Variants in ERCC6L2 observed in about 807,000 individuals in gnomAD.
ERCC6L2 encodes the protein DNA excision repair protein ERCC-6-like 2.
A neutral mutation model predicts 132.0 loss-of-function variants in ERCC6L2; 77 were observed. The observed-to-expected ratio is 0.58, with a 90% CI of 0.49 to 0.71. The LOEUF (loss-of-function observed/expected upper bound fraction) is 0.71. Among genes scored for constraint, ERCC6L2 ranks in the 30% least tolerant of loss-of-function variants. The pLI is 0.00. For synonymous variants in ERCC6L2, 583 were observed against 632.4 expected (o/e 0.92, Z 1.17); for missense variants, 1,542 against 1,837.6 (o/e 0.84, Z 2.94).
chr9:95,895,254 A>G (rs748374484), intron 2 of ERCC6L2, among the ~76,000 whole-genome samples: 15 of 151,470 alleles, frequency 9.9e-5, no homozygotes, highest in Non-Finnish European at 1.6e-4. Context: ...AGCTATATCA[A>G]TTTTCTTTGA....
chr9:95,887,064 A>T (rs1827910480), intron 2 of ERCC6L2, among the ~76,000 whole-genome samples: 2 of 152,192 alleles, frequency 1.3e-5, no homozygotes, highest in African/African-American at 4.8e-5. Context: ...GATAGTACTT[A>T]ATAAACTCCT....
At chr9:95,976,377 C>T (rs1396568732) in intron 16 of ERCC6L2, among the ~76,000 whole-genome samples, 1 of 152,108 alleles carries the variant, frequency 6.6e-6, no homozygotes, top group Non-Finnish European at 1.5e-5. Context: ...CTGCTCCAGC[C>T]CCTCCAGGCC....
At chr9:95,886,530 T>C (rs748062790) in intron 2 of ERCC6L2, among the ~76,000 whole-genome samples, 4 of 152,216 alleles carry the variant, frequency 2.6e-5, no homozygotes, top group Non-Finnish European at 5.9e-5. Context: ...TTCTATCATC[T>C]ACTGCCTTCT....
chr9:95,882,000 G>A (rs1377651842), intron 2 of ERCC6L2, among the ~76,000 whole-genome samples: 1 of 152,190 alleles, frequency 6.6e-6, no homozygotes. Flanking sequence ...GGTGACTGGG[G>A]AAGATTCACT....
intron 4 of ERCC6L2, among the ~76,000 whole-genome samples, chr9:95,908,229 T>C (rs1471553141): frequency 6.6e-6 from 1 of 152,128 alleles, no homozygotes; most frequent in Non-Finnish European, 1.5e-5. Context: ...TGTAACTGTG[T>C]TTAGAGACAG....
intron 13 of ERCC6L2, among the ~76,000 whole-genome samples, chr9:95,964,915 CAAATT>C (rs1832083417): frequency 6.6e-6 from 1 of 152,192 alleles, no homozygotes; most frequent in South Asian, 2.1e-4. Flanking sequence ...TATAAAGACT[CAAATT>C]AAGGCTTACA....
At chr9:95,963,625 CCT>C in intron 13 of ERCC6L2, among the ~76,000 whole-genome samples, 2 of 152,178 alleles carry the variant, frequency 1.3e-5, no homozygotes, top group South Asian at 4.1e-4. Flanking sequence ...AGTTTCCCCA[CCT>C]CTCTCTTTTT....
At chr9:95,941,586 A>G (rs1830801576) in intron 12 of ERCC6L2, 37 bp downstream of exon 12, 2 of 1,417,142 alleles carry the variant, frequency 1.4e-6, no homozygotes, top group Middle Eastern at 1.8e-4. Context: ...ATCTGCAAAT[A>G]CTTTTAATCT....
In ERCC6L2 at chr9:95,972,814, C is replaced by G. The variant is rs1832482278; in HGVS notation, c.3063C>G (p.Asn1021Lys). The G allele has an allele frequency of 7.7e-7, 1 of 1,304,494 alleles. No individual in the cohort carries two copies. The highest frequency in any genetic ancestry group is 2.3e-5 in the Admixed American group (1 of 43,506). 80.8% of individuals were successfully genotyped at this position (1,304,494 alleles called of 1,614,324 possible). A position where few individuals can be genotyped will look rare whatever the true frequency, so the allele number is the denominator to read the frequency against. ...TTCACAATTCTCCCAAAACAATGAA[C>G]AAAACAAACCAAGTGTATGCAGCAA... ...KELHNSPKTM[N>K]KTNQVYAANE... Residue 1021 changes from asparagine to lysine, a missense_variant, in exon 16 of 19, where the codon AAC becomes AAG. Coordinates refer to ENST00000653738, the MANE Select transcript of ERCC6L2 (RefSeq NM_020207.7).
chr9:95,963,688 C>A (rs1832020234), intron 13 of ERCC6L2, among the ~76,000 whole-genome samples: 1 of 151,992 alleles, frequency 6.6e-6, no homozygotes, highest in Non-Finnish European at 1.5e-5. Context: ...TTACTTGTGT[C>A]TCTTCAGTTT....
rs541729083 is a variant in ERCC6L2, at chr9:95,984,457, C to T, written c.3492+6242C>T. ...TCTGATCCCCCAAATCTCCACATCACTCTCCCATTCAAGATCTACCTCAAA... is the reference window on the plus strand; with the variant it reads ...TCTGATCCCCCAAATCTCCACATCATTCTCCCATTCAAGATCTACCTCAAA... On this transcript the variant is annotated intron_variant, in intron 17 of 18. Coordinates refer to ENST00000653738, the MANE Select transcript of ERCC6L2 (RefSeq NM_020207.7). Among the ~76,000 whole-genome samples, 65 of 151,980 alleles carry T rather than the reference C, an allele frequency of 4.3e-4. No homozygotes were observed. The Middle Eastern group carries it at 0.024, about 56-fold the overall frequency.
intron 1 of ERCC6L2, among the ~76,000 whole-genome samples, chr9:95,877,384 C>T (rs974469193): frequency 2.0e-5 from 3 of 149,954 alleles, no homozygotes; most frequent in African/African-American, 7.4e-5. Flanking sequence ...AGATACAGTT[C>T]TTAGACCCCT....
intron 9 of ERCC6L2, among the ~76,000 whole-genome samples, chr9:95,924,179 AAGT>A (rs1456932702): frequency 6.6e-6 from 1 of 152,162 alleles, no homozygotes; most frequent in Non-Finnish European, 1.5e-5. Context: ...AATAAAAAGG[AAGT>A]AGTTCAAAGC....
At chr9:96,029,097 G>A (rs1003988148) in intron 19 of ERCC6L2, among the ~76,000 whole-genome samples, 4 of 152,030 alleles carry the variant, frequency 2.6e-5, no homozygotes, top group African/African-American at 9.7e-5. Context: ...AAGGTCAGGA[G>A]ATCGAGACCA....
At chr9:95,887,779 T>A (rs1438109197) in intron 2 of ERCC6L2, among the ~76,000 whole-genome samples, 1 of 152,172 alleles carries the variant, frequency 6.6e-6, no homozygotes, top group East Asian at 1.9e-4. Flanking sequence ...CAAAACATAC[T>A]AAAATATGAA....
In ERCC6L2 at chr9:95,922,438, T is replaced by C. The variant is rs190929590; in HGVS notation, c.1413+20T>C. 6.0e-4 allele frequency: 825 copies of C among 1,386,210 alleles called. 13 individuals carry two copies. In the East Asian group the frequency reaches 0.015, roughly 25 times the overall value. 85.9% of individuals were successfully genotyped at this position (1,386,210 alleles called of 1,614,324 possible). On this transcript the variant is annotated intron_variant, in intron 8 of 18. Transcript: ENST00000653738. ...CAACAGGTTTGGTTAGCATTTTACATTTCTTTGTGATGCTATTGTTGTGAA... is the reference window on the plus strand; with the variant it reads ...CAACAGGTTTGGTTAGCATTTTACACTTCTTTGTGATGCTATTGTTGTGAA...
intron 17 of ERCC6L2, among the ~76,000 whole-genome samples, chr9:95,993,123 A>AGAT (rs1030315610): frequency 5.3e-4 from 81 of 152,302 alleles, no homozygotes; most frequent in African/African-American, 1.9e-3. Context: ...TAGGAGTCCC[A>AGAT]GATCCAAATC....
At chr9:95,909,253 C>A (rs1332476179) in intron 4 of ERCC6L2, among the ~76,000 whole-genome samples, 1 of 151,964 alleles carries the variant, frequency 6.6e-6, no homozygotes, top group Non-Finnish European at 1.5e-5. Context: ...GTTGCATATT[C>A]TTCTTTTTTA....
chr9:95,961,927 G>A (rs1321848481), intron 13 of ERCC6L2, among the ~76,000 whole-genome samples: 1 of 152,088 alleles, frequency 6.6e-6, no homozygotes, highest in Non-Finnish European at 1.5e-5. Flanking sequence ...GATCTCGTGA[G>A]ACTTATTCAC....
Sources: gnomAD v4.1 joint callset for allele counts (sites outside exome capture counted in the v4.1 genomes callset) on GRCh38, gnomAD v4.1.1 for gene constraint, MANE v1.5 for transcripts, NCBI Gene and HGNC (gene_info 2026-07-23, HGNC 2026-07-21) for gene names.